Variants in MSANTD4 observed in about 807,000 individuals in gnomAD.
MSANTD4 encodes myb/SANT-like DNA-binding domain-containing protein 4.
A neutral mutation model predicts 34.3 loss-of-function variants in MSANTD4; 13 were observed. The observed-to-expected ratio is 0.38, with a 90% CI of 0.25 to 0.60. The LOEUF (loss-of-function observed/expected upper bound fraction) is 0.60. Ranked by LOEUF, MSANTD4 falls within the 20% of genes least tolerant of loss-of-function variation. The pLI, the probability that MSANTD4 is intolerant of heterozygous loss-of-function variation, is 0.63. For synonymous variants in MSANTD4, 137 were observed against 145.2 expected, an observed-to-expected ratio of 0.94 and a Z score of 0.41; for missense variants, 358 against 401.8, an observed-to-expected ratio of 0.89 and a Z score of 0.93.
rs1039473007 is a variant in MSANTD4, at chr11:106,021,385, C to G, written c.-574G>C. On this transcript the variant is annotated 5_prime_UTR_variant, in exon 1 of 3. Transcript: ENST00000301919. ...AATCCTTGTGAAGATGATGTACTGC[C>G]AATGGCATAATATAACCAGGCAACT... The G allele has an allele frequency of 1.3e-5, 2 of 152,142 alleles. No individual in the cohort carries two copies. Among genetic ancestry groups the G allele is most frequent in the African/African-American group, 4.8e-5 (2 of 41,440 alleles). 9.4% of individuals were successfully genotyped at this position (152,142 alleles called of 1,614,324 possible). A position where few individuals can be genotyped will look rare whatever the true frequency, so the allele number is the denominator to read the frequency against.
chr11:106,011,834 G>C (rs1311236868), intron 1 of MSANTD4, among the ~76,000 whole-genome samples: 1 of 152,118 alleles, frequency 6.6e-6, no homozygotes, highest in Non-Finnish European at 1.5e-5. Context: ...TAATTTTAGA[G>C]AAAAACTGAA....
intron 1 of MSANTD4, among the ~76,000 whole-genome samples, chr11:106,013,673 C>A (rs1036523827): frequency 1.3e-5 from 2 of 152,162 alleles, no homozygotes; most frequent in Non-Finnish European, 2.9e-5. Context: ...CCAGCCTGGG[C>A]AGCATGGCAA....
rs1170208322 is a variant in MSANTD4, at chr11:106,007,903, CAGAT to C, written c.*1628_*1631del. The C allele has an allele frequency of 6.6e-6, 1 of 152,596 alleles. No individual in the cohort carries two copies. Among genetic ancestry groups the C allele is most frequent in the East Asian group, 1.9e-4 (1 of 5,196 alleles). 9.5% of individuals were successfully genotyped at this position (152,596 alleles called of 1,614,324 possible). A position where few individuals can be genotyped will look rare whatever the true frequency, so the allele number is the denominator to read the frequency against. ...AGTATCATCTGAAATTACAAATTCTCAGATAGTATAGGCAAATTTATTTCTATGG... is the reference window on the plus strand; with the variant it reads ...AGTATCATCTGAAATTACAAATTCTCAGTATAGGCAAATTTATTTCTATGG... On this transcript the variant is annotated 3_prime_UTR_variant, in exon 3 of 3. Coordinates refer to ENST00000301919, the MANE Select transcript of MSANTD4 (RefSeq NM_032424.3).
At chr11:106,013,769 T>C (rs2846220) in intron 1 of MSANTD4, among the ~76,000 whole-genome samples, 116,312 of 152,124 alleles carry the variant, frequency 0.76, 44,659 homozygotes, top group African/African-American at 0.83. Context: ...GGCTGAGGCA[T>C]GAGAATCGCT....
chr11:106,017,286 A>G (rs1859878135), intron 1 of MSANTD4, among the ~76,000 whole-genome samples: 1 of 152,228 alleles, frequency 6.6e-6, no homozygotes, highest in Non-Finnish European at 1.5e-5. Flanking sequence ...TCGCAGACAC[A>G]GAACATCCTA....
At chr11:106,013,971 C>A (rs1591520391) in intron 1 of MSANTD4, among the ~76,000 whole-genome samples, 1 of 152,212 alleles carries the variant, frequency 6.6e-6, no homozygotes, top group Non-Finnish European at 1.5e-5. Context: ...AGATAAAATT[C>A]TTTCAATCGG....
intron 1 of MSANTD4, among the ~76,000 whole-genome samples, chr11:106,013,631 C>T (rs2134945309): frequency 6.6e-6 from 1 of 152,286 alleles, no homozygotes; most frequent in African/African-American, 2.4e-5. Flanking sequence ...GAGGCTGAGG[C>T]GGGCGGATTG....
intron 1 of MSANTD4, among the ~76,000 whole-genome samples, chr11:106,014,171 T>G (rs1859778911): frequency 6.6e-6 from 1 of 152,216 alleles, no homozygotes; most frequent in Non-Finnish European, 1.5e-5. Flanking sequence ...AACTTAAGAC[T>G]AAGCAATCAG....
intron 1 of MSANTD4, among the ~76,000 whole-genome samples, chr11:106,013,870 A>G (rs1201672612): frequency 6.6e-6 from 1 of 152,230 alleles, no homozygotes; most frequent in Non-Finnish European, 1.5e-5. Flanking sequence ...TCAAACAACA[A>G]CAACAACAAA....
chr11:106,009,627 T>G lies in MSANTD4; in HGVS notation c.946A>C (p.Lys316Gln). 6.2e-7 allele frequency: 1 copy of G among 1,614,188 alleles called. No homozygotes were observed. The highest frequency in any genetic ancestry group is 8.5e-7 in the Non-Finnish European group (1 of 1,180,034). ...ATCTGCAGCTTCTCAGATTCAAACT[T>G]CAAAAACTGCAGCCTATCCTTTTCC... ...QLEKDRLQFL[K>Q]FESEKLQIEK... Residue 316 changes from lysine (K) to glutamine (Q), a missense_variant, in exon 3 of 3, where the codon AAG becomes CAG. By Grantham distance (53) the Lys-to-Gln change is moderately conservative. This residue lies in a region of MSANTD4 where 312 missense variants were observed against 317.6 expected (regional missense o/e 0.98). Coordinates refer to ENST00000301919, the MANE Select transcript of MSANTD4 (RefSeq NM_032424.3).
rs1168485105 is a variant in MSANTD4, at chr11:106,009,387, G to A, written c.*148C>T. Reference sequence around the variant, plus strand: ...GGGCACAGCTTTTATATACTACTTAGGCATACAGTTATCCACATATAACTT... The same window carrying A: ...GGGCACAGCTTTTATATACTACTTAAGCATACAGTTATCCACATATAACTT... On this transcript the variant is annotated 3_prime_UTR_variant, in exon 3 of 3. Transcript: ENST00000301919. 14 of 694,164 alleles carry A rather than the reference G, an allele frequency of 2.0e-5. No individual in the cohort carries two copies. The highest frequency in any genetic ancestry group is 3.6e-5 in the African/African-American group (2 of 55,400). 43.0% of individuals were successfully genotyped at this position (694,164 alleles called of 1,614,324 possible).
intron 1 of MSANTD4, among the ~76,000 whole-genome samples, chr11:106,013,841 G>T (rs1859768179): frequency 6.6e-6 from 1 of 152,224 alleles, no homozygotes; most frequent in African/African-American, 2.4e-5. Flanking sequence ...CAACCTGGGG[G>T]AAACAGTGAG....
intron 1 of MSANTD4, among the ~76,000 whole-genome samples, chr11:106,020,541 C>T (rs1259830469): frequency 2.0e-5 from 3 of 152,156 alleles, no homozygotes; most frequent in Non-Finnish European, 2.9e-5. Flanking sequence ...AGATTTTGCT[C>T]TTAGAATCTG....
chr11:106,019,900 C>T (rs1859978589), intron 1 of MSANTD4, among the ~76,000 whole-genome samples: 3 of 152,318 alleles, frequency 2.0e-5, no homozygotes, highest in South Asian at 4.1e-4. Flanking sequence ...CAGCGAATTA[C>T]TTAACCTCTT....
intron 1 of MSANTD4, 71 bp from the exon 2 acceptor site, chr11:106,011,138 T>C (rs764263577): frequency 4.5e-6 from 3 of 668,556 alleles, no homozygotes; most frequent in East Asian, 6.4e-5. Context: ...TAATGAACTA[T>C]ATAATTTTTA....
Position 106,009,303 on chromosome 11 carries a change from T to C in MSANTD4, c.*232A>G. On this transcript the variant is annotated 3_prime_UTR_variant, in exon 3 of 3. Transcript: ENST00000301919. ...GGTACACAGACAATACAAGACTCTATGTAATATTATAAGGTAAAGAGTCCA... is the reference window on the plus strand; with the variant it reads ...GGTACACAGACAATACAAGACTCTACGTAATATTATAAGGTAAAGAGTCCA... The C allele has an allele frequency of 2.2e-6, 1 of 453,318 alleles. No homozygotes were observed. The highest frequency in any genetic ancestry group is 3.9e-6 in the Non-Finnish European group (1 of 257,198). 28.1% of individuals were successfully genotyped at this position (453,318 alleles called of 1,614,324 possible). A position where few individuals can be genotyped will look rare whatever the true frequency, so the allele number is the denominator to read the frequency against.
chr11:106,015,414 T>C (rs949139786), intron 1 of MSANTD4, among the ~76,000 whole-genome samples: 3 of 152,240 alleles, frequency 2.0e-5, no homozygotes, highest in African/African-American at 4.8e-5. Flanking sequence ...TATTATGTAT[T>C]TGCCACATCA....
At position 106,008,537 on chromosome 11, in the gene MSANTD4, C is replaced by A. The variant is rs939471444; in HGVS notation, c.*998G>T. The A allele has an allele frequency of 6.6e-6, 1 of 152,208 alleles. No homozygotes were observed. Among genetic ancestry groups the A allele is most frequent in the South Asian group, 2.1e-4 (1 of 4,832 alleles). The allele number at this position is 152,208 out of a possible 1,614,324, so 9.4% of individuals were successfully genotyped here. A position where few individuals can be genotyped will look rare whatever the true frequency, so the allele number is the denominator to read the frequency against. Reference sequence around the variant, plus strand: ...CGGAGTACATCTTCCCCACCTACCCCCTACTCCCAAATGGCTGCTATTACT... The same window carrying A: ...CGGAGTACATCTTCCCCACCTACCCACTACTCCCAAATGGCTGCTATTACT... On this transcript the variant is annotated 3_prime_UTR_variant, in exon 3 of 3. Transcript: ENST00000301919.
In MSANTD4 at chr11:106,017,011, C is replaced by G. The variant is rs1458016817; in HGVS notation, c.-151+3951G>C. On this transcript the variant is annotated intron_variant, in intron 1 of 2. Coordinates refer to ENST00000301919, the MANE Select transcript of MSANTD4 (RefSeq NM_032424.3). Reference sequence around the variant, plus strand: ...TACACAGAATGTTTCAGAGCATTTACATAGCCTTTTGAGCCATTTAAAAAT... The same window carrying G: ...TACACAGAATGTTTCAGAGCATTTAGATAGCCTTTTGAGCCATTTAAAAAT... 2.0e-5 allele frequency among the ~76,000 whole-genome samples: 3 copies of G among 152,130 alleles called. No homozygotes were observed. The South Asian group carries it at 6.2e-4, about 31-fold the overall frequency.
Sources: allele counts gnomAD v4.1 joint callset (sites outside exome capture counted in the v4.1 genomes callset), GRCh38; gene constraint gnomAD v4.1.1; regional missense constraint gnomAD v4.1.1; transcripts MANE v1.5; gene names NCBI Gene and HGNC (gene_info 2026-07-23, HGNC 2026-07-21).